Variants in PITPNM2 observed in about 807,000 individuals in gnomAD.
The protein encoded by PITPNM2 is phosphatidylinositol transfer protein membrane associated 2, also known as membrane-associated phosphatidylinositol transfer protein 2.
A neutral mutation model predicts 132.2 loss-of-function variants in PITPNM2; 35 were observed. The observed-to-expected ratio is 0.26, with a 90% confidence interval of 0.20 to 0.35. PITPNM2 has a LOEUF of 0.35. PITPNM2 is among the 10% of genes least tolerant of loss of function. PITPNM2 has a pLI of 1.00. For synonymous variants in PITPNM2, 738 were observed against 799.2 expected (o/e 0.92, Z 1.29); for missense variants, 1,332 against 1,912.0 (o/e 0.70, Z 5.66).
At position 123,150,445 on chromosome 12, in the gene PITPNM2, G is replaced by A. The variant is rs532645277; in HGVS notation, c.-200+308C>T. On this transcript the variant is annotated intron_variant, in intron 1 of 25. Coordinates refer to ENST00000320201, the MANE Select transcript of PITPNM2 (RefSeq NM_020845.3). This position sits in a 1 kb window ranked among gnomAD's most constrained non-coding sequence, Gnocchi z 6.0. The stretch of plus-strand genomic sequence containing the variant: ...CCGACCGCTATGACACTTGTCCCTG[G>A]CGGGGGTCCCCCACGCGGTCGCGAC... 1.7e-4 allele frequency among the ~76,000 whole-genome samples: 26 copies of A among 152,132 alleles called. No individual in the cohort carries two copies. Among genetic ancestry groups the A allele is most frequent in the African/African-American group, 6.0e-4 (25 of 41,504 alleles).
intron 2 of PITPNM2, among the ~76,000 whole-genome samples, chr12:123,063,749 A>G (rs946827869): frequency 2.0e-5 from 3 of 152,218 alleles, no homozygotes; most frequent in Admixed American, 6.5e-5. Context: ...CATTGCAGGC[A>G]GAACTCAGGC....
rs1164437127 is a variant in PITPNM2 at position 123,150,558 on chromosome 12, G to T, written c.-200+195C>A. Among the ~76,000 whole-genome samples the T allele has an allele frequency of 2.0e-5, 3 of 151,462 alleles. No homozygotes were observed. The highest frequency in any genetic ancestry group is 7.3e-5 in the African/African-American group (3 of 41,274). On this transcript the variant is annotated intron_variant, in intron 1 of 25. Coordinates refer to ENST00000320201, the MANE Select transcript of PITPNM2 (RefSeq NM_020845.3). The surrounding 1 kb of genome is among the most constrained non-coding windows in gnomAD (Gnocchi z 6.0). ...AGGCTCGGGCGGTCTCCCGAGCGGG[G>T]CTCCCGTACGCCACACCCTCCTCCC...
Position 122,992,745 on chromosome 12 carries a change from T to C in PITPNM2, c.2234-76A>G, listed in dbSNP as rs559335602. On this transcript the variant is annotated intron_variant, in intron 15 of 25. Coordinates refer to ENST00000320201, the MANE Select transcript of PITPNM2 (RefSeq NM_020845.3). The surrounding 1 kb of genome is among the most constrained non-coding windows in gnomAD (Gnocchi z 6.5). ...TGGTGGGGGTGGGAAATTTGGGAAC[T>C]GGGCACTGGGTTGTCTGCTGAAAGT... is the stretch of plus-strand genomic sequence containing the variant. 2.6e-5 allele frequency: 31 copies of C among 1,195,382 alleles called. No individual in the cohort carries two copies. Among genetic ancestry groups the C allele is most frequent in the Non-Finnish European group, 3.3e-5 (28 of 854,016 alleles). 74.0% of individuals were successfully genotyped at this position (1,195,382 alleles called of 1,614,324 possible). A position where few individuals can be genotyped will look rare whatever the true frequency, so the allele number is the denominator to read the frequency against.
chr12:123,058,304 A>C lies in PITPNM2; in HGVS notation c.-95-23619T>G, dbSNP rs771186024. Among the ~76,000 whole-genome samples the C allele has an allele frequency of 2.6e-5, 4 of 152,092 alleles. No homozygotes were observed. The highest frequency in any genetic ancestry group is 2.0e-4 in the Admixed American group (3 of 15,276). The stretch of plus-strand genomic sequence containing the variant: ...CTGAGCCATGGGAAGAACACCTGCT[A>C]TGTCTCCCTCTAATTTGCCTTCTGC... On this transcript the variant is annotated intron_variant, in intron 2 of 25. Coordinates refer to ENST00000320201, the MANE Select transcript of PITPNM2 (RefSeq NM_020845.3). This position sits in a 1 kb window ranked among gnomAD's most constrained non-coding sequence, Gnocchi z 4.0.
chr12:123,047,660 T>C (rs1336787859), intron 2 of PITPNM2, among the ~76,000 whole-genome samples: 1 of 152,124 alleles, frequency 6.6e-6, no homozygotes, highest in South Asian at 2.1e-4. Flanking sequence ...CCAGGTTCTA[T>C]GATGGGTGCT....
intron 1 of PITPNM2, among the ~76,000 whole-genome samples, chr12:123,124,367 A>G (rs1002343669): frequency 2.0e-5 from 3 of 151,918 alleles, no homozygotes; most frequent in African/African-American, 7.3e-5. Context: ...ATGAGACGGA[A>G]GCTGCAGTGA....
chr12:122,989,754 C>T (rs975303491), intron 18 of PITPNM2, 33 bp downstream of exon 18: 2 of 1,360,504 alleles, frequency 1.5e-6, no homozygotes, highest in African/African-American at 3.0e-5. Flanking sequence ...AGCAGAGTGA[C>T]CCCCAGTGAG....
At chr12:122,990,172 CG>C in intron 17 of PITPNM2, among the ~76,000 whole-genome samples, 1 of 152,260 alleles carries the variant, frequency 6.6e-6, no homozygotes, top group East Asian at 1.9e-4. Flanking sequence ...TGGCCCAGCA[CG>C]GGGCGCAGCC....
chr12:123,104,018 G>T (rs1444390396), intron 2 of PITPNM2, among the ~76,000 whole-genome samples: 1 of 152,118 alleles, frequency 6.6e-6, no homozygotes. Flanking sequence ...TGAACCTCCG[G>T]GTTCAAGCAA....
chr12:123,125,867 T>TG (rs1441414653), intron 1 of PITPNM2, among the ~76,000 whole-genome samples: 10 of 89,584 alleles, frequency 1.1e-4, no homozygotes, highest in South Asian at 5.2e-4. Context: ...AATTAGGGTT[T>TG]TTTTTTTTTT....
Position 123,004,383 on chromosome 12 carries a change from T to C in PITPNM2, c.1048+11A>G. ...GAAGGCCCCAAGGACTGCAGAGCGC[T>C]GCCTGCCTACCGTGCGCATCGAAGA... On this transcript the variant is annotated intron_variant, in intron 8 of 25. Coordinates refer to ENST00000320201, the MANE Select transcript of PITPNM2 (RefSeq NM_020845.3). The surrounding 1 kb of genome is among the most constrained non-coding windows in gnomAD (Gnocchi z 4.9). 6.2e-7 allele frequency: 1 copy of C among 1,613,606 alleles called. No individual in the cohort carries two copies. The highest frequency in any genetic ancestry group is 8.5e-7 in the Non-Finnish European group (1 of 1,179,898).
chr12:123,054,540 G>T (rs1195069653), intron 2 of PITPNM2, among the ~76,000 whole-genome samples: 1 of 152,198 alleles, frequency 6.6e-6, no homozygotes, highest in East Asian at 1.9e-4. Context: ...GCTGTCGGCA[G>T]CTGTGTCCTC....
At chr12:123,019,035 C>T (rs1358804334) in intron 3 of PITPNM2, among the ~76,000 whole-genome samples, 2 of 152,110 alleles carry the variant, frequency 1.3e-5, no homozygotes, top group African/African-American at 4.8e-5. Flanking sequence ...CCACCTGCCT[C>T]GGCCTCCCAA....
intron 16 of PITPNM2, chr12:122,991,857 C>T (rs757898848): frequency 2.9e-5 from 38 of 1,307,616 alleles, no homozygotes; most frequent in East Asian, 1.1e-4. Flanking sequence ...GCCAGGGGGC[C>T]GCCCTCCAGG....
At chr12:123,113,050 C>T (rs2042871508) in intron 1 of PITPNM2, among the ~76,000 whole-genome samples, 1 of 152,196 alleles carries the variant, frequency 6.6e-6, no homozygotes, top group African/African-American at 2.4e-5. Context: ...TCAGTCTCTC[C>T]TCATCCCCAC....
intron 2 of PITPNM2, among the ~76,000 whole-genome samples, chr12:123,093,730 T>A (rs1182758511): frequency 6.6e-6 from 1 of 152,220 alleles, no homozygotes; most frequent in Non-Finnish European, 1.5e-5. Context: ...GAAGACAGGC[T>A]GTTGCAGCCC....
intron 2 of PITPNM2, among the ~76,000 whole-genome samples, chr12:123,051,334 A>T (rs1226472434): frequency 6.6e-6 from 1 of 152,232 alleles, no homozygotes; most frequent in Non-Finnish European, 1.5e-5. Flanking sequence ...CCACTTACGT[A>T]GACTTTGTTC....
intron 1 of PITPNM2, among the ~76,000 whole-genome samples, chr12:123,114,456 G>A (rs192014511): frequency 3.6e-4 from 54 of 149,334 alleles, no homozygotes; most frequent in Middle Eastern, 3.4e-3. Context: ...TTGCATGGGA[G>A]GAACCTGGCA....
At chr12:123,103,340 G>A (rs148879046) in intron 2 of PITPNM2, among the ~76,000 whole-genome samples, 11 of 152,104 alleles carry the variant, frequency 7.2e-5, no homozygotes, top group Non-Finnish European at 1.3e-4. Flanking sequence ...TTATTTGTTC[G>A]GGCCTGACAC....
Sources: allele counts gnomAD v4.1 joint callset (sites outside exome capture counted in the v4.1 genomes callset), GRCh38; gene constraint gnomAD v4.1.1; non-coding constraint Gnocchi (gnomAD v3.1); transcripts MANE v1.5; gene names NCBI Gene and HGNC (gene_info 2026-07-23, HGNC 2026-07-21).